Variants in FAF1 observed in about 807,000 individuals in gnomAD.
FAF1 encodes the protein Fas associated factor 1.
A neutral mutation model predicts 92.5 loss-of-function variants in FAF1; 25 were observed. That is an observed-to-expected ratio of 0.27 (90% confidence interval 0.20 to 0.38). FAF1 has a LOEUF of 0.38. FAF1 is among the 10% of genes least tolerant of loss of function. The pLI is 1.00. For synonymous variants in FAF1, 234 were observed against 273.2 expected (o/e 0.86, Z 1.42); for missense variants, 636 against 793.3 (o/e 0.80, Z 2.38).
intron 7 of FAF1, among the ~76,000 whole-genome samples, chr1:50,672,068 C>T (rs915344251): frequency 2.6e-4 from 38 of 148,368 alleles, no homozygotes; most frequent in African/African-American, 8.0e-4. Context: ...TTTTTTGAGA[C>T]GGAGTCTTGC....
intron 2 of FAF1, among the ~76,000 whole-genome samples, chr1:50,848,313 G>A (rs561643900): frequency 6.6e-6 from 1 of 152,262 alleles, no homozygotes; most frequent in Admixed American, 6.5e-5. Context: ...TACCAAAAAA[G>A]TGCGAGAAGA....
intron 1 of FAF1, among the ~76,000 whole-genome samples, chr1:50,916,074 C>T (rs1644916754): frequency 6.6e-6 from 1 of 152,124 alleles, no homozygotes; most frequent in South Asian, 2.1e-4. Context: ...TCAGTACATA[C>T]TCTTAAATGT....
chr1:50,813,557 C>T (rs981390443), intron 2 of FAF1, among the ~76,000 whole-genome samples: 2 of 152,088 alleles, frequency 1.3e-5, no homozygotes, highest in Non-Finnish European at 2.9e-5. Context: ...ACCTCCATGG[C>T]TGAAGCAATC....
At chr1:50,620,749 A>G (rs1228653494) in intron 8 of FAF1, among the ~76,000 whole-genome samples, 2 of 152,258 alleles carry the variant, frequency 1.3e-5, no homozygotes, top group East Asian at 3.8e-4. Flanking sequence ...GCTGCGATCC[A>G]GTAGATGGTG....
chr1:50,550,295 GA>G (rs1649248193), intron 13 of FAF1, among the ~76,000 whole-genome samples: 1 of 146,842 alleles, frequency 6.8e-6, no homozygotes, highest in Non-Finnish European at 1.5e-5. Context: ...AGCTTGCAGT[GA>G]ATCGAGATCG....
chr1:50,608,373 G>C (rs1243423201), intron 8 of FAF1, among the ~76,000 whole-genome samples: 1 of 152,166 alleles, frequency 6.6e-6, no homozygotes, highest in Non-Finnish European at 1.5e-5. Context: ...CACCTCAATA[G>C]ACAAAGGTTT....
chr1:50,475,597 C>T lies in FAF1; in HGVS notation c.1736G>A (p.Arg579Gln). Reference sequence around the variant, plus strand: ...CTCCAAGAACTCGCCACTGGGGGTCCGGATCCGCAGTTTGCTCACAGGCTC... The same window carrying T: ...CTCCAAGAACTCGCCACTGGGGGTCTGGATCCGCAGTTTGCTCACAGGCTC... ...NAEPVSKLRIRTPSGEFLERR... is the reference protein window; with the variant it reads ...NAEPVSKLRIQTPSGEFLERR... The change falls in exon 18 of 19, where the codon CGG becomes CAG. Residue 579 changes from arginine (R) to glutamine (Q), a missense_variant. Transcript: ENST00000396153. 1.2e-6 allele frequency: 2 copies of T among 1,614,066 alleles called. No homozygotes were observed. The highest frequency in any genetic ancestry group is 8.5e-7 in the Non-Finnish European group (1 of 1,179,978).
At chr1:50,731,399 C>T in intron 6 of FAF1, among the ~76,000 whole-genome samples, 1 of 142,478 alleles carries the variant, frequency 7.0e-6, no homozygotes, top group African/African-American at 2.6e-5. Context: ...GAGATGGAGT[C>T]TCACTCTGTC....
At chr1:50,555,379 C>A (rs924109638) in intron 13 of FAF1, among the ~76,000 whole-genome samples, 1 of 151,936 alleles carries the variant, frequency 6.6e-6, no homozygotes, top group Non-Finnish European at 1.5e-5. Context: ...GGATTACTAT[C>A]AAGAATCTAC....
chr1:50,775,747 C>A (rs1045419496), intron 4 of FAF1, among the ~76,000 whole-genome samples: 9 of 151,094 alleles, frequency 6.0e-5, no homozygotes, highest in African/African-American at 2.2e-4. Context: ...TGAACTGTAA[C>A]AAAGGGGGAC....
At chr1:50,465,315 T>C (rs1011547051) in intron 18 of FAF1, among the ~76,000 whole-genome samples, 4 of 152,210 alleles carry the variant, frequency 2.6e-5, no homozygotes. Flanking sequence ...TCCAATCTCA[T>C]AGGGTTGTTG....
At chr1:50,926,041 C>T (rs1645003874) in intron 1 of FAF1, among the ~76,000 whole-genome samples, 1 of 152,060 alleles carries the variant, frequency 6.6e-6, no homozygotes, top group African/African-American at 2.4e-5. Flanking sequence ...CATAGCAATA[C>T]CCCATCTCTA....
chr1:50,499,226 T>C (rs1646948419), intron 15 of FAF1, among the ~76,000 whole-genome samples: 1 of 151,952 alleles, frequency 6.6e-6, no homozygotes, highest in Non-Finnish European at 1.5e-5. Context: ...GAATGGGGAG[T>C]TATTGCTTAT....
intron 18 of FAF1, among the ~76,000 whole-genome samples, chr1:50,446,239 C>T (rs1484848056): frequency 6.6e-6 from 1 of 152,226 alleles, no homozygotes; most frequent in Non-Finnish European, 1.5e-5. Context: ...GCATGTGCAA[C>T]ACCCACAGAG....
chr1:50,769,601 CAA>C (rs1246019500), intron 4 of FAF1, among the ~76,000 whole-genome samples: 1 of 152,182 alleles, frequency 6.6e-6, no homozygotes, highest in African/African-American at 2.4e-5. Context: ...CCTTCATGAT[CAA>C]GTGGACTTTA....
At chr1:50,840,780 T>A (rs953740273) in intron 2 of FAF1, among the ~76,000 whole-genome samples, 6 of 151,956 alleles carry the variant, frequency 3.9e-5, no homozygotes, top group African/African-American at 1.2e-4. Flanking sequence ...AAGAAAATTG[T>A]CAGACAAGTA....
chr1:50,678,776 C>CAAA (rs58946586), intron 7 of FAF1, among the ~76,000 whole-genome samples: 1,067 of 13,926 alleles, frequency 0.077, 300 homozygotes, highest in Non-Finnish European at 0.11. Flanking sequence ...GACTCCATCT[C>CAAA]AAAAAAAAAA....
chr1:50,738,735 T>TA (rs1659240140), intron 6 of FAF1, 128 bp downstream of exon 6: 1 of 631,476 alleles, frequency 1.6e-6, no homozygotes, highest in Non-Finnish European at 2.8e-6. Flanking sequence ...ATATACTTCA[T>TA]AGTAGTTGGT....
chr1:50,511,353 G>A (rs759011086), intron 15 of FAF1, among the ~76,000 whole-genome samples: 7 of 152,058 alleles, frequency 4.6e-5, no homozygotes, highest in African/African-American at 1.7e-4. Flanking sequence ...CCATCAACCC[G>A]TCATCTACAT....
Sources: gnomAD v4.1 joint callset for allele counts (sites outside exome capture counted in the v4.1 genomes callset) on GRCh38, gnomAD v4.1.1 for gene constraint, MANE v1.5 for transcripts, NCBI Gene and HGNC (gene_info 2026-07-23, HGNC 2026-07-21) for gene names.